Variants in ATM observed in about 807,000 individuals in gnomAD.
The protein encoded by ATM is ATM serine/threonine kinase, also known as serine-protein kinase ATM.
Under a neutral mutation model 387.0 loss-of-function variants are expected in ATM, and 308 were observed. The ratio of observed to expected loss-of-function variants is 0.80; its 90% CI spans 0.73 to 0.87. ATM has a LOEUF of 0.87. ATM is among the 40% of genes least tolerant of loss of function. ATM has a pLI of 0.00. For missense variants in ATM, 3,312 were observed against 3,560.9 expected, an observed-to-expected ratio of 0.93 and a Z score of 1.78; for synonymous variants, 1,156 against 1,187.3, an observed-to-expected ratio of 0.97 and a Z score of 0.54.
At chr11:108,357,576 C>G (rs1423279254) in intron 61 of ATM, among the ~76,000 whole-genome samples, 2 of 152,176 alleles carry the variant, frequency 1.3e-5, no homozygotes, top group Middle Eastern at 3.2e-3. Context: ...TAGTGGTTCT[C>G]CCAGCACGCA....
intron 9 of ATM, among the ~76,000 whole-genome samples, chr11:108,250,141 A>AATATATAT (rs10612272): frequency 6.8e-6 from 1 of 146,482 alleles, no homozygotes; most frequent in Non-Finnish European, 1.5e-5. Flanking sequence ...AATATTGCTA[A>AATATATAT]ATATATATAT....
chr11:108,339,685 C>G (rs558930309), intron 56 of ATM, among the ~76,000 whole-genome samples: 2 of 152,180 alleles, frequency 1.3e-5, no homozygotes, highest in South Asian at 4.1e-4. Context: ...TAGAAAAAAG[C>G]CAACCCATTC....
chr11:108,336,128 C>G (rs2086824747), intron 56 of ATM, 167 bp downstream of exon 56: 2 of 536,016 alleles, frequency 3.7e-6, no homozygotes, highest in East Asian at 6.4e-5. Context: ...GAGACCCCAT[C>G]TTGACAAAAA....
At chr11:108,363,462 A>G (rs2091023411) in intron 61 of ATM, among the ~76,000 whole-genome samples, 1 of 152,130 alleles carries the variant, frequency 6.6e-6, no homozygotes, top group South Asian at 2.1e-4. Context: ...CCTCTAACTC[A>G]GTGATGCTTA....
intron 4 of ATM, among the ~76,000 whole-genome samples, chr11:108,233,742 G>A (rs988157363): frequency 9.9e-5 from 15 of 152,156 alleles, no homozygotes; most frequent in African/African-American, 3.6e-4. Context: ...AGCTACCTGG[G>A]AGGCTGACAT....
In ATM at chr11:108,365,176, C is replaced by G. The variant is rs150008868; in HGVS notation, c.8945C>G (p.Pro2982Arg). ...CCGGAAGATGAAACTGAGCTTCACC[C>G]TACTCTGAATGCAGATGACCAAGAA... ...QRPEDETELHPTLNADDQECK... is the reference protein window; with the variant it reads ...QRPEDETELHRTLNADDQECK... The change falls in exon 62 of 63, where the codon CCT becomes CGT. Residue 2982 changes from proline (P) to arginine (R), a missense_variant. By Grantham distance (103) the Pro-to-Arg change is moderately radical. Coordinates refer to ENST00000675843, the MANE Select transcript of ATM (RefSeq NM_000051.4). The G allele has an allele frequency of 6.2e-7, 1 of 1,614,054 alleles. No homozygotes were observed. Among genetic ancestry groups the G allele is most frequent in the African/African-American group, 1.3e-5 (1 of 74,918 alleles).
At chr11:108,259,226 A>C in intron 16 of ATM, 151 bp downstream of exon 16, 4 of 730,292 alleles carry the variant, frequency 5.5e-6, no homozygotes, top group Non-Finnish European at 9.3e-6. Context: ...GCGGTGGCTC[A>C]TGCCTGTAAC....
At chr11:108,304,587 T>G in intron 36 of ATM, 88 bp from the exon 37 acceptor site, 1 of 1,279,900 alleles carries the variant, frequency 7.8e-7, no homozygotes, top group Non-Finnish European at 1.1e-6. Flanking sequence ...ATTTAATATG[T>G]CAACGGGGCA....
intron 15 of ATM, among the ~76,000 whole-genome samples, chr11:108,258,290 A>C (rs1465356117): frequency 1.3e-5 from 2 of 152,256 alleles, no homozygotes. Flanking sequence ...TGAGTTTCTC[A>C]TGAAACTAAT....
chr11:108,262,250 T>A (rs1198659236), intron 16 of ATM, among the ~76,000 whole-genome samples: 1 of 152,166 alleles, frequency 6.6e-6, no homozygotes, highest in Non-Finnish European at 1.5e-5. Flanking sequence ...CGGGTTACCC[T>A]GAGAGGGAAG....
At position 108,272,723 on chromosome 11, in the gene ATM, C is replaced by T. The variant is rs876660350; in HGVS notation, c.3155C>T (p.Ala1052Val). 5 of 1,613,780 alleles carry T rather than the reference C, an allele frequency of 3.1e-6. No homozygotes were observed. Among genetic ancestry groups the T allele is most frequent in the Non-Finnish European group, 4.2e-6 (5 of 1,179,918 alleles). ...LVNCLKTLLE[A>V]DPYSKWAILN... ...TTAACCACAGTTCTTTTCCCGTAGGCTGATCCTTATTCAAAATGGGCCATT... is the reference window on the plus strand; with the variant it reads ...TTAACCACAGTTCTTTTCCCGTAGGTTGATCCTTATTCAAAATGGGCCATT... The change falls in exon 22 of 63, where the codon GCT becomes GTT. Residue 1052 changes from alanine to valine, a missense_variant and splice_region_variant. Transcript: ENST00000675843.
rs369001797 is a variant in ATM at position 108,325,564 on chromosome 11, A to G, written c.6807+20A>G. 4 of 1,556,198 alleles carry G rather than the reference A, an allele frequency of 2.6e-6. No homozygotes were observed. The African/African-American group carries it at 5.4e-5, about 21-fold the overall frequency. On this transcript the variant is annotated intron_variant, in intron 46 of 62. Transcript: ENST00000675843. ...ACTCAGGTAAATACAATTTAAAACT[A>G]TGTCATCTTACCTCTTGACTTTCCT...
chr11:108,266,257 G>T lies in ATM; in HGVS notation c.2467-914G>T, dbSNP rs535752230. Among the ~76,000 whole-genome samples, 108 of 151,544 alleles carry T rather than the reference G, an allele frequency of 7.1e-4. 1 individual carries two copies. The highest frequency in any genetic ancestry group is 2.5e-3 in the African/African-American group (102 of 41,340). On this transcript the variant is annotated intron_variant, in intron 16 of 62. Coordinates refer to ENST00000675843, the MANE Select transcript of ATM (RefSeq NM_000051.4). ...CCCAAATGTCCAACAATGATAGACT[G>T]GATTAAGAAACTGTGGCACATATAC...
chr11:108,232,753 C>G (rs531616789), intron 4 of ATM, among the ~76,000 whole-genome samples: 20 of 151,854 alleles, frequency 1.3e-4, no homozygotes, highest in African/African-American at 4.3e-4. Context: ...GTTGGCCAGG[C>G]TGGTCTCAAA....
chr11:108,297,910 A>G (rs527349020), intron 33 of ATM, among the ~76,000 whole-genome samples: 42 of 152,348 alleles, frequency 2.8e-4, no homozygotes, highest in African/African-American at 9.4e-4. Context: ...CCTTGTAAAT[A>G]TTTAGGAAAG....
intron 37 of ATM, 133 bp from the exon 38 acceptor site, chr11:108,307,764 C>T: frequency 2.6e-6 from 2 of 761,462 alleles, no homozygotes; most frequent in Non-Finnish European, 4.5e-6. Context: ...TAAATTCCTT[C>T]AGAACCAATT....
At chr11:108,282,252 C>A (rs983081373) in intron 24 of ATM, among the ~76,000 whole-genome samples, 1 of 151,788 alleles carries the variant, frequency 6.6e-6, no homozygotes, top group African/African-American at 2.4e-5. Flanking sequence ...CTCAGCCTCC[C>A]GAGTAGCTGG....
At chr11:108,232,490 A>G (rs1336136688) in intron 4 of ATM, among the ~76,000 whole-genome samples, 1 of 149,352 alleles carries the variant, frequency 6.7e-6, no homozygotes, top group Admixed American at 6.7e-5. Flanking sequence ...AAGGCAGCTG[A>G]GAAGAAACAA....
chr11:108,251,690 T>A, intron 10 of ATM, 147 bp from the exon 11 acceptor site: 1 of 779,678 alleles, frequency 1.3e-6, no homozygotes. Context: ...TAATCAAGAA[T>A]CTTCCCAAAT....
Sources: gnomAD v4.1 joint callset for allele counts (sites outside exome capture counted in the v4.1 genomes callset) on GRCh38, gnomAD v4.1.1 for gene constraint, MANE v1.5 for transcripts, NCBI Gene and HGNC (gene_info 2026-07-23, HGNC 2026-07-21) for gene names.